ELF2: variants seen among roughly 807,000 people sequenced by gnomAD.
The protein encoded by ELF2 is E74 like ETS transcription factor 2, also known as ETS-related transcription factor Elf-2.
A neutral mutation model predicts 54.8 loss-of-function variants in ELF2; 11 were observed. That is an observed-to-expected ratio of 0.20 (90% CI 0.13 to 0.33). The LOEUF (loss-of-function observed/expected upper bound fraction) is 0.33. Among genes scored for constraint, ELF2 ranks in the 10% least tolerant of loss-of-function variants. The pLI, the probability that ELF2 is intolerant of heterozygous loss-of-function variation, is 1.00. For missense variants in ELF2, 513 were observed against 703.0 expected (o/e 0.73, Z 3.06); for synonymous variants, 203 against 245.1 (o/e 0.83, Z 1.61).
chr4:139,106,953 T>G (rs1303138628), intron 4 of ELF2, among the ~76,000 whole-genome samples: 1 of 151,892 alleles, frequency 6.6e-6, no homozygotes, highest in Non-Finnish European at 1.5e-5. Context: ...ACCACGTTAC[T>G]CAGGCTGGTT....
upstream of ELF2, among the ~76,000 whole-genome samples, chr4:139,177,480 T>A (rs1743095208): frequency 6.7e-6 from 1 of 149,662 alleles, no homozygotes; most frequent in South Asian, 2.1e-4. Flanking sequence ...CCGCCGAACC[T>A]GCTTCTTTTG....
chr4:139,083,222 C>T (rs907903108), intron 4 of ELF2, among the ~76,000 whole-genome samples: 1 of 152,124 alleles, frequency 6.6e-6, no homozygotes. Context: ...CGTGCTGAGA[C>T]TTCCCTAGGG....
At chr4:139,062,693 CAT>C (rs1233146750) in intron 7 of ELF2, among the ~76,000 whole-genome samples, 1 of 152,210 alleles carries the variant, frequency 6.6e-6, no homozygotes, top group Non-Finnish European at 1.5e-5. Flanking sequence ...ACACCTTTAT[CAT>C]ATGATAAGCC....
intron 4 of ELF2, among the ~76,000 whole-genome samples, chr4:139,097,966 C>G (rs1733463648): frequency 6.6e-6 from 1 of 152,168 alleles, no homozygotes; most frequent in Non-Finnish European, 1.5e-5. Context: ...TCCCAAAGCA[C>G]TAGGATTACC....
chr4:139,127,784 G>T (rs1338882552), intron 3 of ELF2, among the ~76,000 whole-genome samples: 1 of 151,984 alleles, frequency 6.6e-6, no homozygotes, highest in East Asian at 1.9e-4. Flanking sequence ...GGCCAATACA[G>T]TAAAACCCCA....
At chr4:139,094,734 G>A (rs921223982) in intron 4 of ELF2, among the ~76,000 whole-genome samples, 1 of 151,172 alleles carries the variant, frequency 6.6e-6, no homozygotes, top group East Asian at 1.9e-4. Flanking sequence ...GATAAGACTT[G>A]TGTAAAAAAG....
chr4:139,092,920 G>A (rs1261494798), intron 4 of ELF2, among the ~76,000 whole-genome samples: 1 of 151,500 alleles, frequency 6.6e-6, no homozygotes, highest in African/African-American at 2.4e-5. Context: ...AAAATTCCCA[G>A]TAGGCATACG....
intron 3 of ELF2, chr4:139,137,375 T>C: frequency 3.7e-6 from 2 of 543,936 alleles, no homozygotes; most frequent in Admixed American, 3.3e-5. Flanking sequence ...CAACTAATAC[T>C]ATAGTGTTCT....
rs1727273555 is a variant in ELF2, at chr4:139,058,109, G to T, written c.*874C>A. On this transcript the variant is annotated 3_prime_UTR_variant, in exon 10 of 10. Coordinates refer to ENST00000686138, the MANE Select transcript of ELF2 (RefSeq NM_001331036.3). ...CCAAGTGACAGCAGAACTGAAAATG[G>T]TATGTCTGCACAAATGCCAAGGCTA... The T allele has an allele frequency of 6.6e-6, 1 of 152,438 alleles. No homozygotes were observed. The highest frequency in any genetic ancestry group is 1.5e-5 in the Non-Finnish European group (1 of 68,010). 9.4% of individuals were successfully genotyped at this position (152,438 alleles called of 1,614,324 possible).
intron 1 of ELF2, among the ~76,000 whole-genome samples, chr4:139,176,399 C>G (rs1742922597): frequency 1.1e-4 from 1 of 8,726 alleles, no homozygotes; most frequent in Non-Finnish European, 2.9e-4. Flanking sequence ...TGTCCAGCGC[C>G]CCCCCCCGCC....
intron 4 of ELF2, among the ~76,000 whole-genome samples, chr4:139,080,938 T>TATTAGAA (rs1380517969): frequency 4.1e-5 from 6 of 146,054 alleles, no homozygotes; most frequent in African/African-American, 1.5e-4. Context: ...CATGGTGTAA[T>TATTAGAA]ATTAGAAAAA....
chr4:139,094,771 G>A (rs554636977), intron 4 of ELF2, among the ~76,000 whole-genome samples: 2 of 152,066 alleles, frequency 1.3e-5, no homozygotes, highest in African/African-American at 2.4e-5. Context: ...TTTAAAAAAT[G>A]AGTAAAATGA....
At chr4:139,081,332 G>T (rs182485367) in intron 4 of ELF2, among the ~76,000 whole-genome samples, 2 of 152,006 alleles carry the variant, frequency 1.3e-5, no homozygotes, top group African/African-American at 4.8e-5. Context: ...CACCTCAAAA[G>T]GAAGAAAAGC....
intron 1 of ELF2, among the ~76,000 whole-genome samples, chr4:139,173,202 G>C (rs1742500859): frequency 6.6e-6 from 1 of 152,054 alleles, no homozygotes; most frequent in Non-Finnish European, 1.5e-5. Context: ...CAAGGTGATA[G>C]ATAGTTTCAC....
At chr4:139,151,404 C>T (rs1302653209) in intron 1 of ELF2, among the ~76,000 whole-genome samples, 2 of 152,158 alleles carry the variant, frequency 1.3e-5, no homozygotes, top group Admixed American at 6.5e-5. Flanking sequence ...AATCAAGAGA[C>T]TGGCAAAAGT....
At chr4:139,095,868 A>G (rs892676464) in intron 4 of ELF2, among the ~76,000 whole-genome samples, 1 of 152,138 alleles carries the variant, frequency 6.6e-6, no homozygotes, top group Non-Finnish European at 1.5e-5. Flanking sequence ...AACATGGTGA[A>G]ACCCCATCTC....
At chr4:139,077,049 AT>A (rs1730410996) in intron 4 of ELF2, among the ~76,000 whole-genome samples, 1 of 152,182 alleles carries the variant, frequency 6.6e-6, no homozygotes, top group South Asian at 2.1e-4. Context: ...CGTTGCTGAC[AT>A]TTACCATGTG....
At chr4:139,120,870 A>G (rs1736239280) in intron 4 of ELF2, among the ~76,000 whole-genome samples, 1 of 152,160 alleles carries the variant, frequency 6.6e-6, no homozygotes, top group Admixed American at 6.6e-5. Flanking sequence ...CTGAACAAGT[A>G]TTGAATTTCA....
intron 7 of ELF2, 41 bp from the exon 8 acceptor site, chr4:139,062,098 A>G (rs1405850023): frequency 1.3e-6 from 2 of 1,541,580 alleles, no homozygotes; most frequent in African/African-American, 1.4e-5. Context: ...ATTCATTAAC[A>G]TAATTAAATA....
Sources: gnomAD v4.1 joint callset for allele counts (sites outside exome capture counted in the v4.1 genomes callset) on GRCh38, gnomAD v4.1.1 for gene constraint, MANE v1.5 for transcripts, NCBI Gene and HGNC (gene_info 2026-07-23, HGNC 2026-07-21) for gene names.